Variants in RBFOX1 observed in about 807,000 individuals in gnomAD.
The protein encoded by RBFOX1 is RNA binding fox-1 homolog 1, also known as RNA binding protein fox-1 homolog 1.
In RBFOX1, 8 loss-of-function variants were observed where a neutral mutation model predicts 57.7. The ratio of observed to expected loss-of-function variants is 0.14; its 90% CI spans 0.08 to 0.25. The LOEUF (loss-of-function observed/expected upper bound fraction) is 0.25. Ranked by LOEUF, RBFOX1 falls within the 10% of genes least tolerant of loss-of-function variation. RBFOX1 has a pLI of 1.00. For missense variants in RBFOX1, 611 were observed against 548.5 expected (o/e 1.11, Z -1.14); for synonymous variants, 326 against 222.4 (o/e 1.47, Z -4.15).
At chr16:7,707,293 C>A (rs573550926) in intron 14 of RBFOX1, among the ~76,000 whole-genome samples, 1 of 152,204 alleles carries the variant, frequency 6.6e-6, no homozygotes, top group African/African-American at 2.4e-5. Flanking sequence ...CATCATCACG[C>A]TTTCTTCACC....
intron 4 of RBFOX1, among the ~76,000 whole-genome samples, chr16:7,316,024 C>T (rs2096430711): frequency 6.6e-6 from 1 of 152,166 alleles, no homozygotes; most frequent in South Asian, 2.1e-4. Flanking sequence ...TGGTGATTCA[C>T]CCAAACAAAC....
Position 7,475,068 on chromosome 16 carries a change from T to G in RBFOX1, c.28-43079T>G, listed in dbSNP as rs2062365807. ...GTTGTTCACCAAATCAGAGAGTCTT[T>G]GAGAGTTCAGAAGAGTTTAAAAGAG... is the stretch of plus-strand genomic sequence containing the variant. On this transcript the variant is annotated intron_variant, in intron 4 of 15. Coordinates refer to ENST00000550418, the MANE Select transcript of RBFOX1 (RefSeq NM_018723.4). Among the ~76,000 whole-genome samples the G allele has an allele frequency of 3.9e-5, 6 of 152,182 alleles. No homozygotes were observed. In the South Asian group the frequency reaches 1.2e-3, roughly 32 times the overall value.
chr16:6,267,168 C>G (rs1056503440), intron 1 of RBFOX1, among the ~76,000 whole-genome samples: 3 of 151,604 alleles, frequency 2.0e-5, no homozygotes, highest in African/African-American at 7.3e-5. Flanking sequence ...GGATCCCAGT[C>G]AGGAATCTGA....
rs79907315 is a variant in RBFOX1 at position 6,813,458 on chromosome 16, T to C, written c.-16+158808T>C. On this transcript the variant is annotated intron_variant, in intron 3 of 15. Transcript: ENST00000550418. ...CTCTAGTTTGGGGACCCCAGCTCCTTCTTAGGTTTTCTTCAGAGACAGGGC... is the reference window on the plus strand; with the variant it reads ...CTCTAGTTTGGGGACCCCAGCTCCTCCTTAGGTTTTCTTCAGAGACAGGGC... 6.6e-3 allele frequency among the ~76,000 whole-genome samples: 999 copies of C among 152,144 alleles called. 50 individuals are homozygous for C. In the East Asian group the frequency reaches 0.12, roughly 18 times the overall value.
chr16:5,635,805 G>GTT (rs34939003), intron 3 of RBFOX1, among the ~76,000 whole-genome samples: 10 of 151,840 alleles, frequency 6.6e-5, no homozygotes, highest in African/African-American at 1.9e-4. Flanking sequence ...GTAGCACTGG[G>GTT]TTTTTTTTGG....
intron 4 of RBFOX1, among the ~76,000 whole-genome samples, chr16:5,882,860 A>T (rs772931273): frequency 1.3e-5 from 2 of 152,242 alleles, no homozygotes; most frequent in African/African-American, 4.8e-5. Context: ...AGAGTCTGCA[A>T]ATGAAACACT....
chr16:6,696,029 A>C (rs915028145), intron 3 of RBFOX1, among the ~76,000 whole-genome samples: 1 of 152,234 alleles, frequency 6.6e-6, no homozygotes, highest in Non-Finnish European at 1.5e-5. Flanking sequence ...TTAAACTGGC[A>C]AAGACGTTTA....
chr16:7,206,700 A>T (rs1301251981), intron 4 of RBFOX1, among the ~76,000 whole-genome samples: 1 of 152,080 alleles, frequency 6.6e-6, no homozygotes, highest in Non-Finnish European at 1.5e-5. Context: ...CAGAGTGAGG[A>T]TTTACGAAGT....
chr16:7,154,475 C>T (rs2076698044), intron 4 of RBFOX1, among the ~76,000 whole-genome samples: 1 of 152,194 alleles, frequency 6.6e-6, no homozygotes, highest in African/African-American at 2.4e-5. Flanking sequence ...GACAAGAGGT[C>T]ATTTGCTTGA....
chr16:7,577,314 A>G (rs567516318), intron 5 of RBFOX1, among the ~76,000 whole-genome samples: 1 of 152,180 alleles, frequency 6.6e-6, no homozygotes, highest in South Asian at 2.1e-4. Flanking sequence ...TAGCCCCTTG[A>G]CTATCTTTGA....
At chr16:6,358,384 C>T (rs1474598745) in intron 2 of RBFOX1, among the ~76,000 whole-genome samples, 2 of 152,132 alleles carry the variant, frequency 1.3e-5, no homozygotes, top group African/African-American at 4.8e-5. Flanking sequence ...GGTGGAGAGC[C>T]ATTGTCAGGC....
rs556434658 is a variant in RBFOX1 at position 7,398,000 on chromosome 16, C to A, written c.28-120147C>A. On this transcript the variant is annotated intron_variant, in intron 4 of 15. Transcript: ENST00000550418. ...CCACCAAGACATCTAAGCTTCTTCC[C>A]TTACGGCCGTTAGTGGATTAAGCGA... Among the ~76,000 whole-genome samples the A allele has an allele frequency of 2.6e-5, 4 of 152,164 alleles. No individual in the cohort carries two copies. In the South Asian group the frequency reaches 8.3e-4, roughly 32 times the overall value.
intron 4 of RBFOX1, among the ~76,000 whole-genome samples, chr16:7,152,873 C>T: frequency 6.6e-6 from 1 of 152,122 alleles, no homozygotes; most frequent in South Asian, 2.1e-4. Context: ...TAATCATTTG[C>T]AAGACTCAAG....
At chr16:6,971,642 A>G (rs2085571420) in intron 3 of RBFOX1, among the ~76,000 whole-genome samples, 1 of 152,140 alleles carries the variant, frequency 6.6e-6, no homozygotes, top group South Asian at 2.1e-4. Flanking sequence ...GGAGTCAAAC[A>G]TTCCAATTAG....
At chr16:6,963,939 C>T (rs1419383658) in intron 3 of RBFOX1, among the ~76,000 whole-genome samples, 2 of 152,024 alleles carry the variant, frequency 1.3e-5, no homozygotes, top group Non-Finnish European at 1.5e-5. Flanking sequence ...ACATCATGAT[C>T]CACCCGCCTC....
chr16:6,861,916 CTG>C (rs550538766), intron 3 of RBFOX1, among the ~76,000 whole-genome samples: 1 of 138,770 alleles, frequency 7.2e-6, no homozygotes, highest in East Asian at 2.3e-4. Context: ...AGAGCTCTCT[CTG>C]GCACTGGCAG....
At chr16:6,614,838 A>G (rs1031387884) in intron 2 of RBFOX1, among the ~76,000 whole-genome samples, 15 of 152,198 alleles carry the variant, frequency 9.9e-5, no homozygotes, top group African/African-American at 3.6e-4. Flanking sequence ...GGGTTACCTC[A>G]TCTTAACTAA....
intron 1 of RBFOX1, among the ~76,000 whole-genome samples, chr16:5,335,517 C>G (rs373834790): frequency 7.4e-4 from 113 of 151,992 alleles, no homozygotes; most frequent in African/African-American, 2.4e-3. Flanking sequence ...GTATTAATGT[C>G]GGTTTTTTGT....
At chr16:6,266,826 G>A (rs2074567386) in intron 1 of RBFOX1, among the ~76,000 whole-genome samples, 1 of 152,062 alleles carries the variant, frequency 6.6e-6, no homozygotes, top group Admixed American at 6.6e-5. Flanking sequence ...TGTTCCCATG[G>A]CATTCCCTCA....
Sources: allele counts gnomAD v4.1 joint callset (sites outside exome capture counted in the v4.1 genomes callset), GRCh38; gene constraint gnomAD v4.1.1; transcripts MANE v1.5; gene names NCBI Gene and HGNC (gene_info 2026-07-23, HGNC 2026-07-21).